DOCK11: variants seen among roughly 807,000 people sequenced by gnomAD.
DOCK11 encodes dedicator of cytokinesis 11, also known as dedicator of cytokinesis protein 11.
DOCK11 carries 70 observed loss-of-function variants against 169.1 expected under a neutral mutation model. The ratio of observed to expected loss-of-function variants is 0.41; its 90% CI spans 0.34 to 0.51. The LOEUF (loss-of-function observed/expected upper bound fraction) is 0.51. DOCK11 is among the 20% of genes least tolerant of loss of function. The pLI is 0.10. For missense variants in DOCK11, 1,166 were observed against 1,538.8 expected (o/e 0.76, Z 4.05); for synonymous variants, 529 against 541.3 (o/e 0.98, Z 0.32).
At chrX:118,506,731 G>T (rs1477223574) in intron 1 of DOCK11, among the ~76,000 whole-genome samples, 1 of 112,225 alleles carries the variant, frequency 8.9e-6, no homozygotes, top group African/African-American at 3.2e-5. Context: ...GCTGTCTCGA[G>T]AAATTATTCT....
At position 118,573,801 on chromosome X, in the gene DOCK11, C is replaced by T; in HGVS notation, c.1177-5C>T. Reference sequence around the variant, plus strand: ...GTTTTAAAATGTAACTGTTTTCATTCCCAGGTTGAGCCCTTTTTTATCAAT... The same window carrying T: ...GTTTTAAAATGTAACTGTTTTCATTTCCAGGTTGAGCCCTTTTTTATCAAT... On this transcript the variant is annotated splice_polypyrimidine_tract_variant and splice_region_variant and intron_variant, in intron 11 of 52. Coordinates refer to ENST00000276202, the MANE Select transcript of DOCK11 (RefSeq NM_144658.4). The T allele has an allele frequency of 8.4e-7, 1 of 1,197,303 alleles. No individual in the cohort carries two copies. Among genetic ancestry groups the T allele is most frequent in the East Asian group, 3.0e-5 (1 of 33,495 alleles).
intron 1 of DOCK11, among the ~76,000 whole-genome samples, chrX:118,496,531 A>G (rs1481230244): frequency 8.9e-6 from 1 of 112,594 alleles, no homozygotes; most frequent in Non-Finnish European, 1.9e-5. Flanking sequence ...TCTCGCGCGC[A>G]CACATACACA....
At chrX:118,553,862 T>C (rs1189500348) in intron 6 of DOCK11, among the ~76,000 whole-genome samples, 8 of 112,649 alleles carry the variant, frequency 7.1e-5, no homozygotes, top group Non-Finnish European at 1.3e-4. Flanking sequence ...TCATTTATTA[T>C]GCATAAGATT....
intron 1 of DOCK11, among the ~76,000 whole-genome samples, chrX:118,512,717 G>A (rs1399667633): frequency 9.0e-6 from 1 of 111,540 alleles, no homozygotes. Flanking sequence ...AGGGACTCAG[G>A]TGCTAGGTCT....
chrX:118,576,467 A>AGTGTCCCCCATCATTG (rs2147397526), intron 12 of DOCK11, among the ~76,000 whole-genome samples: 1 of 112,067 alleles, frequency 8.9e-6, no homozygotes, highest in South Asian at 3.7e-4. Context: ...AACCCCAAAG[A>AGTGTCCCCCATCATTG]GTGTCCCCCA....
chrX:118,563,959 G>A (rs2012993641), intron 7 of DOCK11, among the ~76,000 whole-genome samples: 1 of 111,855 alleles, frequency 8.9e-6, no homozygotes, highest in Admixed American at 9.5e-5. Flanking sequence ...GATTAGGCTT[G>A]TGGACACATA....
In DOCK11 at chrX:118,662,745, G is replaced by A. The variant is rs2016247694; in HGVS notation, c.5029G>A (p.Gly1677Arg). 2.5e-6 allele frequency: 3 copies of A among 1,201,058 alleles called. No individual in the cohort carries two copies. The highest frequency in any genetic ancestry group is 3.4e-6 in the Non-Finnish European group (3 of 887,915). The change falls in exon 45 of 53, where the codon GGA (glycine) becomes AGA (arginine). Residue 1677 changes from glycine (G) to arginine (R), a missense_variant. Coordinates refer to ENST00000276202, the MANE Select transcript of DOCK11 (RefSeq NM_144658.4). ...KKITPNIDEE[G>R]AMKEDAGMMD... ...AATTACTCCCAATATAGATGAAGAAGGAGCAATGAAAGAAGATGCTGGGAT... is the reference window on the plus strand; with the variant it reads ...AATTACTCCCAATATAGATGAAGAAAGAGCAATGAAAGAAGATGCTGGGAT...
chrX:118,541,532 C>A (rs5910373), intron 1 of DOCK11, among the ~76,000 whole-genome samples: 11,527 of 111,790 alleles, frequency 0.1, 596 homozygotes, highest in Non-Finnish European at 0.15. Context: ...AAAAGAAAAG[C>A]AGAGCCTTTG....
In DOCK11 at chrX:118,588,062, AT is replaced by A. The variant is rs1301472130; in HGVS notation, c.1796-69del. On this transcript the variant is annotated intron_variant, in intron 16 of 52. Coordinates refer to ENST00000276202, the MANE Select transcript of DOCK11 (RefSeq NM_144658.4). ...CTCTTTGAGAATGCAATTCATGTAT[AT>A]TTTTTATACATGCAGGAATGTGTTA... is the stretch of plus-strand genomic sequence containing the variant. 6.8e-6 allele frequency: 6 copies of A among 883,405 alleles called. No homozygotes were observed. The South Asian group carries it at 1.9e-4, about 28-fold the overall frequency. 72.8% of individuals were successfully genotyped at this position (883,405 alleles called of 1,213,427 possible).
At chrX:118,662,908 C>T (rs977986493) in intron 45 of DOCK11, 116 bp downstream of exon 45, 4 of 498,005 alleles carry the variant, frequency 8.0e-6, no homozygotes, top group Non-Finnish European at 1.4e-5. Flanking sequence ...GGTTAATGAA[C>T]TTTAAGTATT....
chrX:118,554,659 T>C (rs1416630021), intron 6 of DOCK11, among the ~76,000 whole-genome samples: 4 of 111,920 alleles, frequency 3.6e-5, no homozygotes, highest in East Asian at 2.8e-4. Context: ...ATCTAGATCA[T>C]TGTGGCCTGG....
intron 52 of DOCK11, 158 bp downstream of exon 52, chrX:118,683,375 C>A: frequency 1.7e-6 from 1 of 595,739 alleles, no homozygotes; most frequent in Non-Finnish European, 2.4e-6. Flanking sequence ...TGATACAATA[C>A]AAATCAAATT....
rs759526055 is a variant in DOCK11 at position 118,651,836 on chromosome X, A to G, written c.4582-128A>G. 3 of 407,808 alleles carry G rather than the reference A, an allele frequency of 7.4e-6. No homozygotes were observed. The South Asian group carries it at 1.8e-4, about 24-fold the overall frequency. 33.6% of individuals were successfully genotyped at this position (407,808 alleles called of 1,213,427 possible). A position where few individuals can be genotyped will look rare whatever the true frequency, so the allele number is the denominator to read the frequency against. On this transcript the variant is annotated intron_variant, in intron 41 of 52. Transcript: ENST00000276202. ...ACCCCTCATGTATGAAGGGTACATT[A>G]TGATGGTACAGTGTAGAATCTTTAA...
intron 1 of DOCK11, among the ~76,000 whole-genome samples, chrX:118,504,541 A>C (rs1208890962): frequency 8.9e-6 from 1 of 112,254 alleles, no homozygotes; most frequent in Non-Finnish European, 1.9e-5. Flanking sequence ...ATTGTCAGCA[A>C]GTCATGTTGA....
intron 9 of DOCK11, among the ~76,000 whole-genome samples, chrX:118,567,547 C>T: frequency 9.1e-6 from 1 of 109,305 alleles, no homozygotes; most frequent in Middle Eastern, 4.6e-3. Flanking sequence ...ATTCTCCTGC[C>T]TCAGCCTCCT....
At chrX:118,624,502 T>A in intron 31 of DOCK11, 37 bp from the exon 32 acceptor site, 1 of 891,145 alleles carries the variant, frequency 1.1e-6, no homozygotes. Context: ...TATATACATA[T>A]TATATACGTA....
chrX:118,647,823 T>C (rs1381839495), intron 40 of DOCK11, among the ~76,000 whole-genome samples: 1 of 47,948 alleles, frequency 2.1e-5, no homozygotes, highest in East Asian at 6.7e-4. Context: ...ATTATATTAT[T>C]ATAATATAAT....
rs780742188 is a variant in DOCK11, at chrX:118,580,999, C to A, written c.1595+820C>A. On this transcript the variant is annotated intron_variant, in intron 14 of 52. Coordinates refer to ENST00000276202, the MANE Select transcript of DOCK11 (RefSeq NM_144658.4). ...AGCATGTGATAACTATATTTCATAT[C>A]TGATGGTAGGTTACATTATTTTATC... 2.7e-4 allele frequency among the ~76,000 whole-genome samples: 30 copies of A among 112,287 alleles called. 1 individual carries two copies. The highest frequency in any genetic ancestry group is 8.5e-4 in the Admixed American group (9 of 10,598).
At chrX:118,539,422 A>G (rs2011878082) in intron 1 of DOCK11, among the ~76,000 whole-genome samples, 1 of 111,120 alleles carries the variant, frequency 9.0e-6, no homozygotes, top group African/African-American at 3.3e-5. Flanking sequence ...GGTGGTTACC[A>G]GGGGCTGGGG....
Sources: allele counts gnomAD v4.1 joint callset (sites outside exome capture counted in the v4.1 genomes callset), GRCh38; gene constraint gnomAD v4.1.1; transcripts MANE v1.5; gene names NCBI Gene and HGNC (gene_info 2026-07-23, HGNC 2026-07-21).